Variants in ARMH3 observed in about 807,000 individuals in gnomAD.
ARMH3 encodes the protein armadillo-like helical domain-containing protein 3.
In ARMH3, 60 loss-of-function variants were observed where a neutral mutation model predicts 99.1. The ratio of observed to expected loss-of-function variants is 0.61; its 90% CI spans 0.49 to 0.75. The LOEUF (loss-of-function observed/expected upper bound fraction) is 0.75, where lower values mean the gene tolerates loss of function less well. Ranked by LOEUF, ARMH3 falls within the 30% of genes least tolerant of loss-of-function variation. The pLI is 0.00. For synonymous variants in ARMH3, 285 were observed against 292.8 expected, an observed-to-expected ratio of 0.97 and a Z score of 0.27; for missense variants, 679 against 843.1, an observed-to-expected ratio of 0.81 and a Z score of 2.41.
intron 23 of ARMH3, among the ~76,000 whole-genome samples, chr10:101,939,470 G>C (rs957908812): frequency 3.9e-5 from 6 of 152,210 alleles, no homozygotes; most frequent in Admixed American, 6.5e-5. Context: ...ACCATAAATA[G>C]AAATAGTCAC....
intron 7 of ARMH3, 48 bp from the exon 8 acceptor site, chr10:102,023,611 G>A: frequency 6.2e-7 from 1 of 1,609,546 alleles, no homozygotes; most frequent in Non-Finnish European, 8.5e-7. Context: ...CCTGGTTCCT[G>A]AGAACACAGA....
intron 23 of ARMH3, among the ~76,000 whole-genome samples, chr10:101,914,963 C>T (rs1028846081): frequency 1.3e-4 from 19 of 150,924 alleles, no homozygotes; most frequent in Admixed American, 8.6e-4. Flanking sequence ...TTAATTACAG[C>T]TTTTTGTTAC....
At chr10:101,995,146 T>A (rs1846997232) in intron 16 of ARMH3, 151 bp downstream of exon 16, 1 of 679,268 alleles carries the variant, frequency 1.5e-6, no homozygotes, top group Non-Finnish European at 2.6e-6. Context: ...TACACTCTAG[T>A]GGGAGAAGAC....
intron 9 of ARMH3, among the ~76,000 whole-genome samples, chr10:102,013,313 C>T (rs1309327664): frequency 6.6e-6 from 1 of 152,142 alleles, no homozygotes; most frequent in African/African-American, 2.4e-5. Flanking sequence ...AATGTAAAGG[C>T]AAGTAGCATT....
chr10:102,032,853 T>A (rs2067163972), intron 4 of ARMH3, 173 bp downstream of exon 4: 3 of 649,314 alleles, frequency 4.6e-6, no homozygotes, highest in Non-Finnish European at 7.6e-6. Flanking sequence ...AAGTGTCAAT[T>A]TGTATAAATA....
intron 23 of ARMH3, among the ~76,000 whole-genome samples, chr10:101,894,573 C>T (rs956929877): frequency 5.3e-5 from 8 of 152,108 alleles, no homozygotes; most frequent in Admixed American, 1.3e-4. Flanking sequence ...TAGCTCTTGG[C>T]GGGAGAAAGA....
Position 101,990,605 on chromosome 10 carries a change from A to G in ARMH3, c.1352T>C (p.Met451Thr). ...CATGTGTGTTACAATAAACTCTACC[A>G]TCAGGTCTGAAAGGGGAATAGAGAA... is the stretch of plus-strand genomic sequence containing the variant. ...RPLVCAVLDLMVEFIVTHMMK... is the reference protein window; with the variant it reads ...RPLVCAVLDLTVEFIVTHMMK... The change falls in exon 19 of 26, where the codon ATG becomes ACG. Residue 451 changes from methionine (M) to threonine (T), a missense_variant. By Grantham distance (81) the Met-to-Thr change is moderately conservative (BLOSUM62 -1). Transcript: ENST00000370033. The G allele has an allele frequency of 6.2e-7, 1 of 1,604,830 alleles. No individual in the cohort carries two copies. The highest frequency in any genetic ancestry group is 1.3e-5 in the African/African-American group (1 of 74,792).
At chr10:101,957,851 C>T in intron 20 of ARMH3, 119 bp from the exon 21 acceptor site, 2 of 1,371,656 alleles carry the variant, frequency 1.5e-6, no homozygotes, top group Non-Finnish European at 1.9e-6. Context: ...GTCTCAGCCA[C>T]CAAGGTCTTT....
intron 2 of ARMH3, among the ~76,000 whole-genome samples, chr10:102,033,769 G>C (rs987580563): frequency 1.3e-5 from 2 of 152,158 alleles, no homozygotes; most frequent in African/African-American, 4.8e-5. Flanking sequence ...TAAACTGCTA[G>C]AAGGGGAAAA....
intron 25 of ARMH3, among the ~76,000 whole-genome samples, chr10:101,849,271 G>A (rs992121003): frequency 1.3e-5 from 2 of 152,188 alleles, no homozygotes; most frequent in South Asian, 2.1e-4. Context: ...TGGAGACACT[G>A]ACTGGGAACT....
intron 19 of ARMH3, among the ~76,000 whole-genome samples, chr10:101,984,219 G>C (rs1846356841): frequency 6.6e-6 from 1 of 152,178 alleles, no homozygotes; most frequent in Admixed American, 6.5e-5. Context: ...CTTACCAAGT[G>C]ACATAAGTTG....
intron 20 of ARMH3, among the ~76,000 whole-genome samples, chr10:101,966,365 C>T (rs1271699223): frequency 6.8e-6 from 1 of 146,100 alleles, no homozygotes; most frequent in Non-Finnish European, 1.5e-5. Context: ...CAACCTCTGC[C>T]TCCCGGGTTC....
rs1223470403 is a variant in ARMH3 at position 101,975,174 on chromosome 10, T to C, written c.1495+38A>G. The C allele has an allele frequency of 3.2e-6, 5 of 1,554,648 alleles. No homozygotes were observed. In the African/African-American group the frequency reaches 4.4e-5, roughly 14 times the overall value. The stretch of plus-strand genomic sequence containing the variant: ...CCCAGGCCTAGGGGCTCAAAAAAGG[T>C]ATAGAAAAAGGAAGATGAATTCAAG... On this transcript the variant is annotated intron_variant, in intron 20 of 25. Coordinates refer to ENST00000370033, the MANE Select transcript of ARMH3 (RefSeq NM_024541.3).
intron 1 of ARMH3, among the ~76,000 whole-genome samples, chr10:102,051,427 T>C (rs1175699246): frequency 3.4e-5 from 5 of 148,012 alleles, no homozygotes; most frequent in East Asian, 2.0e-4. Flanking sequence ...GAGCCAAGAC[T>C]GGGCCACTGC....
chr10:102,032,027 C>CACTA (rs1357738381), intron 4 of ARMH3, among the ~76,000 whole-genome samples: 1 of 152,140 alleles, frequency 6.6e-6, no homozygotes, highest in Non-Finnish European at 1.5e-5. Context: ...CATGAGCCAC[C>CACTA]GCGCCCAGCC....
chr10:101,982,483 T>C (rs1339674029), intron 19 of ARMH3, among the ~76,000 whole-genome samples: 1 of 152,208 alleles, frequency 6.6e-6, no homozygotes, highest in Non-Finnish European at 1.5e-5. Context: ...TTTTATTCTC[T>C]AATAAACTAA....
chr10:101,857,599 T>C (rs560132302), intron 24 of ARMH3, among the ~76,000 whole-genome samples: 1 of 152,136 alleles, frequency 6.6e-6, no homozygotes, highest in East Asian at 1.9e-4. Context: ...AGAAATAATA[T>C]CACAACTCAA....
rs1170926833 is a variant in ARMH3 at position 101,954,047 on chromosome 10, C to T, written c.1705+2550G>A. Among the ~76,000 whole-genome samples, 5 of 151,982 alleles carry T rather than the reference C, an allele frequency of 3.3e-5. No individual in the cohort carries two copies. The East Asian group carries it at 9.6e-4, about 29-fold the overall frequency. On this transcript the variant is annotated intron_variant, in intron 22 of 25. Transcript: ENST00000370033. ...TCTCTACTAAAAATACAAAAATGACCCAGGCGTGGTGGCATGTACCTGTAG... is the reference window on the plus strand; with the variant it reads ...TCTCTACTAAAAATACAAAAATGACTCAGGCGTGGTGGCATGTACCTGTAG...
intron 22 of ARMH3, among the ~76,000 whole-genome samples, chr10:101,948,129 T>C (rs1352262431): frequency 1.3e-5 from 2 of 152,118 alleles, no homozygotes; most frequent in East Asian, 3.9e-4. Flanking sequence ...GTATAGATAA[T>C]ATGCCAAATA....
Sources: gnomAD v4.1 joint callset for allele counts (sites outside exome capture counted in the v4.1 genomes callset) on GRCh38, gnomAD v4.1.1 for gene constraint, MANE v1.5 for transcripts, NCBI Gene and HGNC (gene_info 2026-07-23, HGNC 2026-07-21) for gene names.